The following HSPA4L variants were observed in gnomAD, a reference collection of about 807,000 sequenced individuals.
HSPA4L encodes heat shock 70 kDa protein 4L.
Under a neutral mutation model 100.3 loss-of-function variants are expected in HSPA4L, and 48 were observed. The observed-to-expected ratio is 0.48, with a 90% CI of 0.38 to 0.61. The LOEUF (loss-of-function observed/expected upper bound fraction) is 0.61, where lower values mean the gene tolerates loss of function less well. Ranked by LOEUF, HSPA4L falls within the 20% of genes least tolerant of loss-of-function variation. The pLI, the probability that HSPA4L is intolerant of heterozygous loss-of-function variation, is 0.00. For missense variants in HSPA4L, 886 were observed against 988.6 expected (o/e 0.90, Z 1.39); for synonymous variants, 319 against 328.2 (o/e 0.97, Z 0.30).
chr4:127,798,554 ACT>A, intron 3 of HSPA4L, 31 bp from the exon 4 acceptor site: 6 of 1,608,606 alleles, frequency 3.7e-6, no homozygotes, highest in Non-Finnish European at 5.1e-6. Flanking sequence ...TAAACAAATG[ACT>A]CTTAATAAAT....
chr4:127,820,792 GAGAA>G (rs747702877), intron 14 of HSPA4L, among the ~76,000 whole-genome samples: 2 of 152,010 alleles, frequency 1.3e-5, no homozygotes, highest in Non-Finnish European at 2.9e-5. Flanking sequence ...CTCCTCTATA[GAGAA>G]AGACTTTTCT....
chr4:127,782,292 G>C (rs1465821245), upstream of HSPA4L: 22 of 476,946 alleles, frequency 4.6e-5, no homozygotes, highest in East Asian at 9.0e-4. Flanking sequence ...GCAGGTCCCA[G>C]TAACCGCCGG....
rs565583286 is a variant in HSPA4L, at chr4:127,782,351, G to T, written c.-200G>T. On this transcript the variant is annotated 5_prime_UTR_variant, in exon 1 of 19. Transcript: ENST00000296464. ...GGGAAAGACCCAGGCTGCGGGACGC[G>T]GTGCAGGCTGCGGCGCTGACGGCCT... 7.1e-6 allele frequency: 4 copies of T among 562,428 alleles called. 1 individual carries two copies. Among genetic ancestry groups the T allele is most frequent in the South Asian group, 4.2e-5 (2 of 48,142 alleles). 34.8% of individuals were successfully genotyped at this position (562,428 alleles called of 1,614,324 possible).
intron 10 of HSPA4L, among the ~76,000 whole-genome samples, chr4:127,806,170 A>G (rs368432745): frequency 3.9e-5 from 6 of 152,048 alleles, no homozygotes; most frequent in East Asian, 3.8e-4. Context: ...TCTTAGGTAC[A>G]TATAGAATTA....
At chr4:127,821,109 G>A (rs888837496) in intron 14 of HSPA4L, among the ~76,000 whole-genome samples, 1 of 152,110 alleles carries the variant, frequency 6.6e-6, no homozygotes, top group African/African-American at 2.4e-5. Context: ...TTAAGTGGTA[G>A]TTCCTAATTT....
At chr4:127,828,884 C>T (rs1010941116) in intron 17 of HSPA4L, among the ~76,000 whole-genome samples, 1 of 152,118 alleles carries the variant, frequency 6.6e-6, no homozygotes, top group Non-Finnish European at 1.5e-5. Context: ...TTATCCCACA[C>T]AAGGCAAGAC....
At chr4:127,789,543 G>A (rs1732813172) in intron 1 of HSPA4L, among the ~76,000 whole-genome samples, 1 of 152,056 alleles carries the variant, frequency 6.6e-6, no homozygotes, top group African/African-American at 2.4e-5. Flanking sequence ...AGCTACTCGG[G>A]AGGCTGAGGC....
intron 12 of HSPA4L, chr4:127,813,177 C>T (rs1278710931): frequency 2.8e-6 from 4 of 1,429,818 alleles, no homozygotes; most frequent in African/African-American, 2.8e-5. Context: ...GGGTGCCTCT[C>T]CTCTTTCCCT....
intron 11 of HSPA4L, chr4:127,809,478 A>G: frequency 9.0e-7 from 1 of 1,107,678 alleles, no homozygotes; most frequent in Admixed American, 1.7e-5. Flanking sequence ...CCCAGAATGA[A>G]GAAAATATTT....
intron 14 of HSPA4L, 77 bp downstream of exon 14, chr4:127,820,642 A>G: frequency 7.3e-7 from 1 of 1,371,974 alleles, no homozygotes; most frequent in Non-Finnish European, 1.0e-6. Context: ...ATTATCTCCA[A>G]AATTTAGGGC....
chr4:127,811,815 A>G (rs561062206), intron 12 of HSPA4L, among the ~76,000 whole-genome samples, 179 bp downstream of exon 12: 21 of 152,346 alleles, frequency 1.4e-4, no homozygotes, highest in African/African-American at 5.1e-4. Flanking sequence ...ACTATTTTCA[A>G]TGCTTTACAT....
intron 15 of HSPA4L, 147 bp downstream of exon 15, chr4:127,823,041 T>G: frequency 1.5e-6 from 1 of 677,532 alleles, no homozygotes; most frequent in Non-Finnish European, 2.3e-6. Context: ...TTTTTACAAG[T>G]TGCAGAAGTA....
rs200390325 is a variant in HSPA4L, at chr4:127,798,554, A to G, written c.307-33A>G. On this transcript the variant is annotated intron_variant, in intron 3 of 18. Transcript: ENST00000296464. ...TGAATATTTGTTGGATAAACAAATG[A>G]CTCTTAATAAATATCCCAACTTTTG... The G allele has an allele frequency of 6.8e-6, 11 of 1,608,608 alleles. No homozygotes were observed. The Admixed American group carries it at 1.8e-4, about 27-fold the overall frequency.
intron 13 of HSPA4L, among the ~76,000 whole-genome samples, chr4:127,820,161 TA>T (rs1418104456): frequency 6.6e-6 from 1 of 152,070 alleles, no homozygotes. Flanking sequence ...AACTAACACT[TA>T]TTATTTTATA....
intron 18 of HSPA4L, among the ~76,000 whole-genome samples, chr4:127,831,724 G>T (rs1734088934): frequency 6.6e-6 from 1 of 151,962 alleles, no homozygotes; most frequent in Non-Finnish European, 1.5e-5. Flanking sequence ...TTGTTTATAT[G>T]TATGTGTATG....
At chr4:127,828,328 G>T (rs1216002767) in intron 17 of HSPA4L, among the ~76,000 whole-genome samples, 5 of 152,064 alleles carry the variant, frequency 3.3e-5, no homozygotes. Flanking sequence ...AAATATTCAA[G>T]CATGTCAAAA....
chr4:127,812,269 C>T (rs979138516), intron 12 of HSPA4L, among the ~76,000 whole-genome samples: 26 of 151,716 alleles, frequency 1.7e-4, no homozygotes, highest in South Asian at 6.2e-4. Context: ...ATTAGCCGGG[C>T]GTGGTGGCAG....
chr4:127,834,058 G>A lies in HSPA4L; in HGVS notation c.*1184G>A, dbSNP rs1734151521. 6.6e-6 allele frequency: 1 copy of A among 152,154 alleles called. No individual in the cohort carries two copies. Among genetic ancestry groups the A allele is most frequent in the Admixed American group, 6.5e-5 (1 of 15,278 alleles). 9.4% of individuals were successfully genotyped at this position (152,154 alleles called of 1,614,324 possible). On this transcript the variant is annotated 3_prime_UTR_variant, in exon 19 of 19. Coordinates refer to ENST00000296464, the MANE Select transcript of HSPA4L (RefSeq NM_014278.4). ...TTCTTATACAAATTAAATGCGAAAA[G>A]GGACTGTAAACTTAAGATGTATTTT...
chr4:127,801,938 G>A lies in HSPA4L; in HGVS notation c.663+20G>A, dbSNP rs201841659. 6.2e-5 allele frequency: 98 copies of A among 1,573,588 alleles called. No homozygotes were observed. The highest frequency in any genetic ancestry group is 3.4e-4 in the Middle Eastern group (2 of 5,882). ...CTTAAAGTAAGTAAACACATGGTTTGTTATATTTACATATGTTAAGAACAC... is the reference window on the plus strand; with the variant it reads ...CTTAAAGTAAGTAAACACATGGTTTATTATATTTACATATGTTAAGAACAC... On this transcript the variant is annotated intron_variant, in intron 6 of 18. Coordinates refer to ENST00000296464, the MANE Select transcript of HSPA4L (RefSeq NM_014278.4).
Sources: gnomAD v4.1 joint callset for allele counts (sites outside exome capture counted in the v4.1 genomes callset) on GRCh38, gnomAD v4.1.1 for gene constraint, MANE v1.5 for transcripts, NCBI Gene and HGNC (gene_info 2026-07-23, HGNC 2026-07-21) for gene names.